The following ACTR3B variants were observed in gnomAD, a reference collection of about 807,000 sequenced individuals.
ACTR3B encodes the protein actin related protein 3B.
In ACTR3B, 8 loss-of-function variants were observed where a neutral mutation model predicts 59.0. The ratio of observed to expected loss-of-function variants is 0.14; its 90% CI spans 0.08 to 0.24. ACTR3B has a LOEUF of 0.24. Among genes scored for constraint, ACTR3B ranks in the 10% least tolerant of loss-of-function variants. The probability of loss-of-function intolerance (pLI) is 1.00; values close to 1 mark genes in which losing one functional copy is unlikely to be tolerated. For missense variants in ACTR3B, 245 were observed against 552.3 expected (o/e 0.44, Z 5.58); for synonymous variants, 148 against 197.9 (o/e 0.75, Z 2.12).
At chr7:152,799,762 T>C (rs1343255673) in intron 2 of ACTR3B, among the ~76,000 whole-genome samples, 1 of 152,134 alleles carries the variant, frequency 6.6e-6, no homozygotes, top group Admixed American at 6.5e-5. Context: ...TGAATGAAAA[T>C]AGCTCATGGG....
chr7:152,760,341 C>G (rs1325766568), intron 1 of ACTR3B, among the ~76,000 whole-genome samples: 1 of 152,222 alleles, frequency 6.6e-6, no homozygotes, highest in Non-Finnish European at 1.5e-5. Context: ...ACTGCAGATC[C>G]TTTAACGTCA....
intron 9 of ACTR3B, among the ~76,000 whole-genome samples, chr7:152,833,176 G>A (rs891619697): frequency 4.6e-5 from 7 of 152,240 alleles, no homozygotes; most frequent in African/African-American, 1.2e-4. Flanking sequence ...GCAGGCCGAA[G>A]AGGGGGTGGT....
At chr7:152,815,402 C>G (rs911576433) in intron 5 of ACTR3B, among the ~76,000 whole-genome samples, 1 of 152,190 alleles carries the variant, frequency 6.6e-6, no homozygotes, top group African/African-American at 2.4e-5. Context: ...GATCTTCCCC[C>G]GGCTAAGTTA....
intron 5 of ACTR3B, among the ~76,000 whole-genome samples, chr7:152,816,110 C>T (rs1468113754): frequency 6.6e-6 from 1 of 152,064 alleles, no homozygotes; most frequent in East Asian, 1.9e-4. Flanking sequence ...CCACGCCTGG[C>T]TAATTTTTGT....
intron 4 of ACTR3B, among the ~76,000 whole-genome samples, chr7:152,807,867 CT>C (rs1028727042): frequency 2.6e-5 from 4 of 151,988 alleles, no homozygotes; most frequent in Non-Finnish European, 4.4e-5. Context: ...TTTTACTTAA[CT>C]TTTTTTTATT....
intron 3 of ACTR3B, among the ~76,000 whole-genome samples, chr7:152,801,099 G>A (rs1344340291): frequency 6.6e-6 from 1 of 152,248 alleles, no homozygotes; most frequent in Non-Finnish European, 1.5e-5. Flanking sequence ...TGTTTTTTTA[G>A]AGATAGGTCT....
At chr7:152,761,379 T>A (rs2098088814) in intron 1 of ACTR3B, among the ~76,000 whole-genome samples, 1 of 152,182 alleles carries the variant, frequency 6.6e-6, no homozygotes, top group Non-Finnish European at 1.5e-5. Flanking sequence ...GCATGTGAGA[T>A]TTTTGCTTTG....
intron 9 of ACTR3B, among the ~76,000 whole-genome samples, chr7:152,825,771 A>C (rs1047380842): frequency 2.6e-5 from 4 of 152,108 alleles, no homozygotes; most frequent in Non-Finnish European, 5.9e-5. Flanking sequence ...TTTCATGCAT[A>C]TTTGGGTTTG....
At chr7:152,816,059 A>G (rs978990535) in intron 5 of ACTR3B, among the ~76,000 whole-genome samples, 2 of 151,834 alleles carry the variant, frequency 1.3e-5, no homozygotes, top group Admixed American at 6.6e-5. Flanking sequence ...GGATCCTCCC[A>G]CCTCAGTCTC....
chr7:152,832,797 T>C (rs1797133599), intron 9 of ACTR3B, among the ~76,000 whole-genome samples: 1 of 152,244 alleles, frequency 6.6e-6, no homozygotes, highest in African/African-American at 2.4e-5. Context: ...GCATTCCTTC[T>C]TGAGGAAATC....
chr7:152,781,100 G>T (rs4509231), intron 1 of ACTR3B, among the ~76,000 whole-genome samples: 75,309 of 151,196 alleles, frequency 0.5, 19,527 homozygotes, highest in Non-Finnish European at 0.55. Context: ...ACCAGTATAG[G>T]ATACTCAAAA....
intron 4 of ACTR3B, among the ~76,000 whole-genome samples, chr7:152,809,123 G>A (rs1272654223): frequency 6.6e-6 from 1 of 150,846 alleles, no homozygotes; most frequent in Non-Finnish European, 1.5e-5. Flanking sequence ...ACCATGTTGT[G>A]GAGTGCTTTT....
intron 9 of ACTR3B, among the ~76,000 whole-genome samples, chr7:152,844,239 G>T (rs537088713): frequency 6.6e-6 from 1 of 151,950 alleles, no homozygotes; most frequent in Admixed American, 6.6e-5. Context: ...TGTATTTTTA[G>T]TAGAGATGGG....
intron 1 of ACTR3B, among the ~76,000 whole-genome samples, chr7:152,764,171 G>GT (rs902767511): frequency 2.0e-5 from 3 of 151,468 alleles, no homozygotes; most frequent in Non-Finnish European, 2.9e-5. Flanking sequence ...ACGCATGGCT[G>GT]TTTTTTTGTA....
intron 9 of ACTR3B, among the ~76,000 whole-genome samples, chr7:152,837,132 T>C (rs2311356): frequency 1.3e-5 from 2 of 152,192 alleles, no homozygotes; most frequent in East Asian, 1.9e-4. Flanking sequence ...GTTAGGATTG[T>C]ACCACTGCAG....
chr7:152,821,186 G>A (rs538827282), intron 7 of ACTR3B, among the ~76,000 whole-genome samples: 11 of 152,240 alleles, frequency 7.2e-5, no homozygotes, highest in Non-Finnish European at 1.3e-4. Context: ...TCAGGGGAAG[G>A]TTTCCTGAGG....
At position 152,854,579 on chromosome 7, in the gene ACTR3B, G is replaced by A; in HGVS notation, c.*26G>A. ...TGTCTGCCTGAACGCGTCGTTCGAT[G>A]GTGTCACGTTGGGGAACAAGTGTCC... On this transcript the variant is annotated 3_prime_UTR_variant, in exon 12 of 12. Transcript: ENST00000256001. This position sits in a 1 kb window ranked among gnomAD's most constrained non-coding sequence, Gnocchi z 4.9. 1 of 1,606,778 alleles carries A rather than the reference G, an allele frequency of 6.2e-7. No homozygotes were observed. The highest frequency in any genetic ancestry group is 8.5e-7 in the Non-Finnish European group (1 of 1,173,970).
At chr7:152,772,411 G>A in intron 1 of ACTR3B, among the ~76,000 whole-genome samples, 1 of 151,730 alleles carries the variant, frequency 6.6e-6, no homozygotes, top group South Asian at 2.1e-4. Flanking sequence ...TGTGGTGTCA[G>A]TAACCTGGGA....
intron 9 of ACTR3B, among the ~76,000 whole-genome samples, chr7:152,851,839 T>C (rs75499639): frequency 0.077 from 11,684 of 152,088 alleles, 669 homozygotes; most frequent in African/African-American, 0.16. Flanking sequence ...CTTCCTGGTC[T>C]ATGTGAGGGG....
Sources: gnomAD v4.1 joint callset for allele counts (sites outside exome capture counted in the v4.1 genomes callset) on GRCh38, gnomAD v4.1.1 for gene constraint, Gnocchi (gnomAD v3.1) non-coding constraint, MANE v1.5 for transcripts, NCBI Gene and HGNC (gene_info 2026-07-23, HGNC 2026-07-21) for gene names.